Variants in ANKRD7 observed in about 807,000 individuals in gnomAD.
ANKRD7 encodes the protein ankyrin repeat domain-containing protein 7.
Under a neutral mutation model 30.8 loss-of-function variants are expected in ANKRD7, and 30 were observed. The observed-to-expected ratio is 0.97, with a 90% CI of 0.73 to 1.32. The LOEUF is 1.32. ANKRD7 is among the 40% of genes most tolerant of loss of function. The pLI is 0.00. For synonymous variants in ANKRD7, 97 were observed against 106.6 expected (o/e 0.91, Z 0.55); for missense variants, 264 against 295.7 (o/e 0.89, Z 0.79).
At chr7:118,234,668 T>G (rs1318177872) in intron 2 of ANKRD7, 33 bp from the exon 3 acceptor site, 4 of 1,581,784 alleles carry the variant, frequency 2.5e-6, no homozygotes, top group Non-Finnish European at 2.6e-6. Context: ...AAGTAGTAAA[T>G]TGGTTACTCA....
Position 118,235,599 on chromosome 7 carries a change from A to G in ANKRD7, c.469-442A>G, listed in dbSNP as rs1312526130. 4.7e-5 allele frequency among the ~76,000 whole-genome samples: 7 copies of G among 148,486 alleles called. No individual in the cohort carries two copies. The South Asian group carries it at 8.8e-4, about 19-fold the overall frequency. ...TGCACTCCAGCCTGGGCAACAGAGC[A>G]AGACTCTGTCTCAAAAAAAAAAAAA... On this transcript the variant is annotated intron_variant, in intron 3 of 6. Transcript: ENST00000265224.
chr7:118,236,898 G>A lies in ANKRD7; in HGVS notation c.684G>A (p.Arg228=). 6.2e-7 allele frequency: 1 copy of A among 1,613,900 alleles called. No individual in the cohort carries two copies. Among genetic ancestry groups the A allele is most frequent in the Non-Finnish European group, 8.5e-7 (1 of 1,179,874 alleles). Residue 228 remains arginine (R), a synonymous_variant, in exon 5 of 7, where the codon AGG becomes AGA. Transcript: ENST00000265224. The part of the protein sequence containing the change: ...CYEGIVDSQL[R]NMFISMVLLH... ...AAGGTATTGTGGATTCACAGCTGAG[G>A]AATATGTTTATTTCCATGGTTTTAC...
chr7:118,237,872 A>G (rs1424074320), intron 5 of ANKRD7, among the ~76,000 whole-genome samples: 3 of 152,126 alleles, frequency 2.0e-5, no homozygotes, highest in Non-Finnish European at 4.4e-5. Flanking sequence ...TAAAATCTTA[A>G]TGAAATAAAC....
chr7:118,234,707 C>G lies in ANKRD7; in HGVS notation c.301C>G (p.Gln101Glu). 6.2e-7 allele frequency: 1 copy of G among 1,607,272 alleles called. No homozygotes were observed. The highest frequency in any genetic ancestry group is 8.5e-7 in the Non-Finnish European group (1 of 1,178,124). The change falls in exon 3 of 7, where the codon CAG becomes GAG. Residue 101 changes from glutamine (Q) to glutamate (E), a missense_variant. Coordinates refer to ENST00000265224, the MANE Select transcript of ANKRD7 (RefSeq NM_019644.4). ...ACTCTTGTTGCATTAACAGGCAGTA[C>G]AGTGTCAAAATGAGGATTGTGCTAC... ...ENKSPLIKAV[Q>E]CQNEDCATIL... is the part of the protein sequence containing the mutation.
At chr7:118,233,178 A>T (rs1809668634) in intron 1 of ANKRD7, among the ~76,000 whole-genome samples, 1 of 152,114 alleles carries the variant, frequency 6.6e-6, no homozygotes, top group African/African-American at 2.4e-5. Context: ...TTGTTTGATG[A>T]ATCATTTTTG....
chr7:118,226,797 G>GT lies in ANKRD7; in HGVS notation c.179+1794dup, dbSNP rs1180587332. ...TTTAGGCTACATGTTTCATCTGCTA[G>GT]TTTTTTCAAATTGTTGCAAATTTCC... On this transcript the variant is annotated intron_variant, in intron 1 of 6. Transcript: ENST00000265224. Among the ~76,000 whole-genome samples the GT allele has an allele frequency of 3.9e-5, 6 of 152,020 alleles. 1 individual carries two copies. In the South Asian group the frequency reaches 1.0e-3, roughly 26 times the overall value.
intron 5 of ANKRD7, among the ~76,000 whole-genome samples, chr7:118,239,185 C>A (rs1809781836): frequency 6.6e-6 from 1 of 152,190 alleles, no homozygotes; most frequent in Admixed American, 6.5e-5. Flanking sequence ...AGGAGGTGAG[C>A]TGCAGGCCAG....
At chr7:118,231,176 A>C (rs1809632525) in intron 1 of ANKRD7, among the ~76,000 whole-genome samples, 1 of 152,042 alleles carries the variant, frequency 6.6e-6, no homozygotes, top group Non-Finnish European at 1.5e-5. Context: ...TTTTTAAACA[A>C]AGATCTGCAA....
At position 118,236,041 on chromosome 7, in the gene ANKRD7, G is replaced by T. The variant is rs763319183; in HGVS notation, c.469G>T (p.Asp157Tyr). ...YEADLEAKNKDGYTPLLVAVI... is the reference protein window; with the variant it reads ...YEADLEAKNKYGYTPLLVAVI... ...AATCATTTTTAAATATTTTTTTCAGGATGGGTATACTCCACTATTAGTTGC... is the reference window on the plus strand; with the variant it reads ...AATCATTTTTAAATATTTTTTTCAGTATGGGTATACTCCACTATTAGTTGC... The change falls in exon 4 of 7, where the codon GAT (aspartate) becomes TAT (tyrosine). Residue 157 changes from aspartate to tyrosine, a missense_variant and splice_region_variant. Asp to Tyr is a radical substitution (Grantham distance 160, BLOSUM62 -3). Transcript: ENST00000265224. 1 of 1,491,180 alleles carries T rather than the reference G, an allele frequency of 6.7e-7. No individual in the cohort carries two copies. The highest frequency in any genetic ancestry group is 9.2e-7 in the Non-Finnish European group (1 of 1,091,240). The allele number at this position is 1,491,180 out of a possible 1,614,324, so 92.4% of individuals were successfully genotyped here. A position where few individuals can be genotyped will look rare whatever the true frequency, so the allele number is the denominator to read the frequency against.
At chr7:118,234,901 C>G in intron 3 of ANKRD7, 27 bp downstream of exon 3, 1 of 1,556,610 alleles carries the variant, frequency 6.4e-7, no homozygotes, top group Non-Finnish European at 8.7e-7. Context: ...GAAAAAAATC[C>G]TGTATTTTAG....
chr7:118,234,097 A>G (rs1285242369), intron 1 of ANKRD7, among the ~76,000 whole-genome samples: 2 of 152,148 alleles, frequency 1.3e-5, no homozygotes, highest in Non-Finnish European at 2.9e-5. Flanking sequence ...CAGGTTTTAA[A>G]TATAATTTCT....
At chr7:118,237,779 A>G (rs1809754741) in intron 5 of ANKRD7, among the ~76,000 whole-genome samples, 1 of 152,024 alleles carries the variant, frequency 6.6e-6, no homozygotes, top group South Asian at 2.1e-4. Context: ...TGCATGAACC[A>G]TAATTGAGTA....
At chr7:118,233,515 G>A (rs1202259339) in intron 1 of ANKRD7, among the ~76,000 whole-genome samples, 1 of 151,736 alleles carries the variant, frequency 6.6e-6, no homozygotes, top group Admixed American at 6.6e-5. Context: ...TATAGGTTTT[G>A]TTTGTTTATC....
At chr7:118,240,762 AT>A (rs1444063866) in intron 6 of ANKRD7, among the ~76,000 whole-genome samples, 3 of 152,188 alleles carry the variant, frequency 2.0e-5, no homozygotes, top group African/African-American at 7.2e-5. Context: ...AGATATACGA[AT>A]TAATTATATA....
At position 118,240,013 on chromosome 7, in the gene ANKRD7, T is replaced by A. The variant is rs769448934; in HGVS notation, c.*37+15T>A. ...ACTAAAGGAAGGTAAGATTGCTAAC[T>A]GGATTAGTGTTTTTTTCTTGTTGCT... On this transcript the variant is annotated intron_variant, in intron 6 of 6. Transcript: ENST00000265224. 1.4e-6 allele frequency: 2 copies of A among 1,383,618 alleles called. No homozygotes were observed. Among genetic ancestry groups the A allele is most frequent in the African/African-American group, 2.9e-5 (2 of 68,894 alleles). The allele number at this position is 1,383,618 out of a possible 1,614,324, so 85.7% of individuals were successfully genotyped here.
chr7:118,239,217 C>T (rs1490595939), intron 5 of ANKRD7, among the ~76,000 whole-genome samples: 4 of 152,166 alleles, frequency 2.6e-5, no homozygotes, highest in Non-Finnish European at 1.5e-5. Context: ...GCCTGAGCTC[C>T]GCCTCCTGTC....
Position 118,236,161 on chromosome 7 carries a change from A to G in ANKRD7, c.575+14A>G, listed in dbSNP as rs1299498501. On this transcript the variant is annotated intron_variant, in intron 4 of 6. Transcript: ENST00000265224. ...TAATTATCAAAGGTATAATTAATAAATAAGATAGCACATAACTAAAGCTAC... is the reference window on the plus strand; with the variant it reads ...TAATTATCAAAGGTATAATTAATAAGTAAGATAGCACATAACTAAAGCTAC... 2 of 1,467,242 alleles carry G rather than the reference A, an allele frequency of 1.4e-6. No individual in the cohort carries two copies. Among genetic ancestry groups the G allele is most frequent in the African/African-American group, 2.8e-5 (2 of 71,288 alleles). The allele number at this position is 1,467,242 out of a possible 1,614,324, so 90.9% of individuals were successfully genotyped here. A position where few individuals can be genotyped will look rare whatever the true frequency, so the allele number is the denominator to read the frequency against.
intron 1 of ANKRD7, among the ~76,000 whole-genome samples, chr7:118,225,659 G>T (rs889340078): frequency 1.3e-5 from 2 of 152,112 alleles, no homozygotes; most frequent in Admixed American, 6.5e-5. Flanking sequence ...GCTAATGGGA[G>T]AATAGGAAAA....
intron 1 of ANKRD7, among the ~76,000 whole-genome samples, chr7:118,233,641 G>T (rs1809677113): frequency 6.6e-6 from 1 of 152,050 alleles, no homozygotes; most frequent in Non-Finnish European, 1.5e-5. Flanking sequence ...CTTCTGAGGA[G>T]CTAAAGTGAA....
Sources: allele counts gnomAD v4.1 joint callset (sites outside exome capture counted in the v4.1 genomes callset), GRCh38; gene constraint gnomAD v4.1.1; transcripts MANE v1.5; gene names NCBI Gene and HGNC (gene_info 2026-07-23, HGNC 2026-07-21).